MAP2: variants seen among roughly 807,000 people sequenced by gnomAD.
MAP2 encodes the protein microtubule associated protein 2.
Under a neutral mutation model 137.6 loss-of-function variants are expected in MAP2, and 14 were observed. That is an observed-to-expected ratio of 0.10 (90% CI 0.07 to 0.16). The LOEUF is 0.16. Among genes scored for constraint, MAP2 ranks in the 10% least tolerant of loss-of-function variants. The pLI is 1.00. For missense variants in MAP2, 2,088 were observed against 2,191.5 expected (o/e 0.95, Z 0.94); for synonymous variants, 786 against 782.3 (o/e 1.00, Z -0.08).
At chr2:209,617,737 T>G (rs1174519348) in intron 3 of MAP2, among the ~76,000 whole-genome samples, 1 of 151,820 alleles carries the variant, frequency 6.6e-6, no homozygotes, top group Non-Finnish European at 1.5e-5. Flanking sequence ...TATCTCCAAA[T>G]GTAATCACGT....
At chr2:209,607,591 C>T (rs987867339) in intron 3 of MAP2, among the ~76,000 whole-genome samples, 4 of 152,128 alleles carry the variant, frequency 2.6e-5, no homozygotes, top group Non-Finnish European at 5.9e-5. Context: ...CCTGCCAACA[C>T]ACCCGGCTAA....
intron 1 of MAP2, among the ~76,000 whole-genome samples, chr2:209,433,761 C>G (rs1280721802): frequency 6.6e-6 from 1 of 151,980 alleles, no homozygotes; most frequent in Non-Finnish European, 1.5e-5. Context: ...GTAACTCAAA[C>G]TGTGTCATTT....
At chr2:209,577,210 C>T (rs2075492019) in intron 2 of MAP2, among the ~76,000 whole-genome samples, 1 of 151,014 alleles carries the variant, frequency 6.6e-6, no homozygotes, top group South Asian at 2.1e-4. Flanking sequence ...TTTAAAGGGG[C>T]ATTTTTTTTT....
chr2:209,445,778 C>A (rs1698905252), intron 1 of MAP2, among the ~76,000 whole-genome samples: 2 of 151,656 alleles, frequency 1.3e-5, no homozygotes, highest in African/African-American at 4.8e-5. Context: ...TAGCAATTTG[C>A]ATTGAGGTAT....
intron 3 of MAP2, among the ~76,000 whole-genome samples, chr2:209,585,628 A>G (rs2077512168): frequency 1.3e-5 from 2 of 152,072 alleles, no homozygotes; most frequent in East Asian, 1.9e-4. Flanking sequence ...TTCTCACAAC[A>G]TTTTGCCACC....
At chr2:209,564,895 G>C (rs2073066500) in intron 2 of MAP2, among the ~76,000 whole-genome samples, 1 of 151,966 alleles carries the variant, frequency 6.6e-6, no homozygotes, top group South Asian at 2.1e-4. Context: ...ATACTGTTCT[G>C]TTTCTGCCTT....
intron 1 of MAP2, among the ~76,000 whole-genome samples, chr2:209,475,190 G>A (rs1359467449): frequency 6.6e-6 from 1 of 152,036 alleles, no homozygotes; most frequent in African/African-American, 2.4e-5. Flanking sequence ...ACATCCTACT[G>A]TGTGTTTATA....
intron 2 of MAP2, among the ~76,000 whole-genome samples, chr2:209,546,073 G>T (rs1350646611): frequency 6.6e-6 from 1 of 152,134 alleles, no homozygotes; most frequent in East Asian, 1.9e-4. Flanking sequence ...AACCCGGGAG[G>T]CAGAGGTTGC....
At chr2:209,435,941 T>A (rs1246057933) in intron 1 of MAP2, among the ~76,000 whole-genome samples, 3 of 142,120 alleles carry the variant, frequency 2.1e-5, no homozygotes, top group African/African-American at 7.6e-5. Context: ...ATATATATAA[T>A]ATATACTATA....
intron 5 of MAP2, among the ~76,000 whole-genome samples, chr2:209,654,679 CT>C (rs1414333575): frequency 6.6e-6 from 1 of 151,964 alleles, no homozygotes; most frequent in African/African-American, 2.4e-5. Flanking sequence ...GTCAGGAGCA[CT>C]AAGAGGATTT....
At chr2:209,424,965 TA>T (rs755999551) in intron 1 of MAP2, among the ~76,000 whole-genome samples, 4 of 152,210 alleles carry the variant, frequency 2.6e-5, no homozygotes, top group Non-Finnish European at 2.9e-5. Flanking sequence ...CTTTTCTTTT[TA>T]AAAGGCTTTT....
At chr2:209,618,962 A>AC (rs1191841869) in intron 3 of MAP2, among the ~76,000 whole-genome samples, 12 of 152,320 alleles carry the variant, frequency 7.9e-5, no homozygotes, top group African/African-American at 2.9e-4. Flanking sequence ...CAAAGAAAAA[A>AC]ATTTGCAACT....
Position 209,694,304 on chromosome 2 carries a change from A to G in MAP2, c.2134A>G (p.Ile712Val), listed in dbSNP as rs536750373. The G allele has an allele frequency of 2.2e-5, 36 of 1,614,176 alleles. No individual in the cohort carries two copies. Among genetic ancestry groups the G allele is most frequent in the Non-Finnish European group, 3.1e-5 (36 of 1,180,026 alleles). ...TTTGCCGATGTCTTGCCTAGATTCC[A>G]TAGCCCTTGGATTTAACTTTGGTCG... is the stretch of plus-strand genomic sequence containing the variant. ...INLPMSCLDS[I>V]ALGFNFGRGH... Residue 712 changes from isoleucine to valine, a missense_variant, in exon 8 of 16, where the codon ATA (isoleucine) becomes GTA (valine). By Grantham distance (29) the Ile-to-Val change is conservative (BLOSUM62 3). This residue lies in a region of MAP2 where 500 missense variants were observed against 482.9 expected (regional missense o/e 1.04). Coordinates refer to ENST00000682079, the MANE Select transcript of MAP2 (RefSeq NM_001375505.1).
At chr2:209,661,807 C>A in intron 5 of MAP2, 3 of 379,906 alleles carry the variant, frequency 7.9e-6, no homozygotes, top group Non-Finnish European at 1.1e-5. Context: ...TAATTTAGGG[C>A]TAGCTTATAT....
intron 4 of MAP2, among the ~76,000 whole-genome samples, chr2:209,649,826 T>G (rs952848006): frequency 6.6e-6 from 1 of 152,212 alleles, no homozygotes; most frequent in African/African-American, 2.4e-5. Flanking sequence ...GGTAATCGTT[T>G]TGATTTGTTT....
At chr2:209,623,215 G>A (rs148855268) in intron 3 of MAP2, among the ~76,000 whole-genome samples, 4 of 152,260 alleles carry the variant, frequency 2.6e-5, no homozygotes, top group Admixed American at 6.5e-5. Context: ...TGGCATTATG[G>A]CATGAAAGCA....
intron 7 of MAP2, among the ~76,000 whole-genome samples, chr2:209,692,337 C>CAAAAAAAAA (rs11449791): frequency 7.5e-6 from 1 of 133,770 alleles, no homozygotes; most frequent in Non-Finnish European, 1.6e-5. Context: ...TAGGAGAGAC[C>CAAAAAAAAA]AAAAAAAAAA....
At chr2:209,620,735 G>A (rs183048603) in intron 3 of MAP2, among the ~76,000 whole-genome samples, 3 of 152,254 alleles carry the variant, frequency 2.0e-5, no homozygotes, top group Middle Eastern at 3.4e-3. Flanking sequence ...GTCTTCAATA[G>A]CTAAAATATT....
intron 2 of MAP2, among the ~76,000 whole-genome samples, chr2:209,558,320 T>C (rs187486132): frequency 2.2e-3 from 337 of 152,022 alleles, no homozygotes; most frequent in African/African-American, 7.8e-3. Flanking sequence ...TCCCAAGTAG[T>C]TGGGATTACA....
Sources: allele counts gnomAD v4.1 joint callset (sites outside exome capture counted in the v4.1 genomes callset), GRCh38; gene constraint gnomAD v4.1.1; regional missense constraint gnomAD v4.1.1; transcripts MANE v1.5; gene names NCBI Gene and HGNC (gene_info 2026-07-23, HGNC 2026-07-21).